The following MGAT4C variants were observed in gnomAD, a reference collection of about 807,000 sequenced individuals.
MGAT4C encodes the protein alpha-1,3-mannosyl-glycoprotein 4-beta-N-acetylglucosaminyltransferase C.
In MGAT4C, 19 loss-of-function variants were observed where a neutral mutation model predicts 40.1. The ratio of observed to expected loss-of-function variants is 0.47; its 90% CI spans 0.33 to 0.70. MGAT4C has a LOEUF of 0.70. Ranked by LOEUF, MGAT4C falls within the 30% of genes least tolerant of loss-of-function variation. The pLI is 0.02. For missense variants in MGAT4C, 491 were observed against 563.2 expected, an observed-to-expected ratio of 0.87 and a Z score of 1.30; for synonymous variants, 181 against 187.1, an observed-to-expected ratio of 0.97 and a Z score of 0.27.
At chr12:86,757,812 G>A (rs1951332273) in intron 1 of MGAT4C, among the ~76,000 whole-genome samples, 2 of 152,100 alleles carry the variant, frequency 1.3e-5, no homozygotes, top group African/African-American at 4.8e-5. Flanking sequence ...TAACCATTTT[G>A]TCTAACAGTA....
chr12:86,532,430 T>A (rs1029036466), intron 2 of MGAT4C, among the ~76,000 whole-genome samples: 2 of 151,998 alleles, frequency 1.3e-5, no homozygotes, highest in Non-Finnish European at 2.9e-5. Context: ...TTTCTTAATA[T>A]AGAATAGAAA....
chr12:86,156,388 T>G (rs561184175), intron 1 of MGAT4C, among the ~76,000 whole-genome samples: 1 of 152,178 alleles, frequency 6.6e-6, no homozygotes, highest in Admixed American at 6.5e-5. Flanking sequence ...AATGACACAA[T>G]CTCGGCTCAC....
At chr12:86,132,282 G>A (rs1881297995) in intron 1 of MGAT4C, among the ~76,000 whole-genome samples, 1 of 152,062 alleles carries the variant, frequency 6.6e-6, no homozygotes, top group Non-Finnish European at 1.5e-5. Flanking sequence ...AATGGAATGA[G>A]CAGTTACATA....
rs573375866 is a variant in MGAT4C at position 86,612,219 on chromosome 12, ATTTT to A, written c.-229+114986_-229+114989del. ...ATTATGCTACTTGAGATTTGCATTT[ATTTT>A]ATTATAATATTTTCTATATGTGAAT... On this transcript the variant is annotated intron_variant, in intron 2 of 7. Transcript: ENST00000548651. Among the ~76,000 whole-genome samples, 79 of 152,130 alleles carry A rather than the reference ATTTT, an allele frequency of 5.2e-4. 1 individual carries two copies. Among genetic ancestry groups the A allele is most frequent in the African/African-American group, 1.8e-3 (76 of 41,452 alleles).
intron 1 of MGAT4C, among the ~76,000 whole-genome samples, chr12:86,054,504 T>C (rs1427081718): frequency 6.6e-6 from 1 of 152,014 alleles, no homozygotes; most frequent in African/African-American, 2.4e-5. Context: ...AAGAGATCTA[T>C]TGTACAACAG....
chr12:86,804,873 G>A (rs999072263), intron 1 of MGAT4C, among the ~76,000 whole-genome samples: 28 of 151,946 alleles, frequency 1.8e-4, no homozygotes, highest in African/African-American at 6.3e-4. Context: ...GACGAACTTT[G>A]GTAAGTAATG....
intron 2 of MGAT4C, among the ~76,000 whole-genome samples, chr12:86,648,062 A>G (rs1288198090): frequency 1.1e-4 from 17 of 151,956 alleles, no homozygotes. Context: ...TTCAATGAAT[A>G]AAGAGTAAAT....
At chr12:86,024,858 T>C (rs971001705) in intron 2 of MGAT4C, among the ~76,000 whole-genome samples, 2 of 151,744 alleles carry the variant, frequency 1.3e-5, no homozygotes, top group Non-Finnish European at 1.5e-5. Context: ...AAAGTGTCAA[T>C]TCCCTTTATT....
At chr12:86,069,192 A>G (rs936992947) in intron 1 of MGAT4C, among the ~76,000 whole-genome samples, 2 of 149,438 alleles carry the variant, frequency 1.3e-5, no homozygotes, top group African/African-American at 4.9e-5. Context: ...AAATAATATA[A>G]CATTATAGTG....
intron 2 of MGAT4C, among the ~76,000 whole-genome samples, chr12:86,495,055 C>T (rs889612271): frequency 2.0e-5 from 3 of 151,972 alleles, no homozygotes; most frequent in South Asian, 4.1e-4. Context: ...TCTAGCAATT[C>T]CACTTCTAAG....
At chr12:86,640,831 C>T (rs377443508) in intron 2 of MGAT4C, among the ~76,000 whole-genome samples, 6 of 151,616 alleles carry the variant, frequency 4.0e-5, no homozygotes, top group African/African-American at 1.5e-4. Context: ...TCAAAGAACA[C>T]CTTTATTTCT....
chr12:86,212,916 A>AC (rs1950537355), intron 1 of MGAT4C, among the ~76,000 whole-genome samples: 2 of 147,784 alleles, frequency 1.4e-5, no homozygotes, highest in Admixed American at 6.7e-5. Context: ...AAAAAAAAAA[A>AC]AAAAAGAACA....
chr12:86,595,518 G>A (rs1486451175), intron 2 of MGAT4C, among the ~76,000 whole-genome samples: 8 of 143,328 alleles, frequency 5.6e-5, no homozygotes, highest in African/African-American at 1.0e-4. Context: ...GTGACAGAGT[G>A]AAACTCTGTC....
chr12:86,184,123 G>C (rs890599346), intron 1 of MGAT4C, among the ~76,000 whole-genome samples: 4 of 152,002 alleles, frequency 2.6e-5, no homozygotes, highest in Non-Finnish European at 5.9e-5. Flanking sequence ...TTTTGTTGTA[G>C]CATTGATTTT....
intron 3 of MGAT4C, among the ~76,000 whole-genome samples, chr12:86,419,550 T>C (rs1047682921): frequency 6.6e-6 from 1 of 152,116 alleles, no homozygotes; most frequent in Non-Finnish European, 1.5e-5. Context: ...AGGCCTATTC[T>C]GAATTCTGAA....
rs542487874 is a variant in MGAT4C at position 86,137,858 on chromosome 12, C to T, written c.-56-88135G>A. Among the ~76,000 whole-genome samples the T allele has an allele frequency of 1.5e-3, 228 of 152,306 alleles. No homozygotes were observed. The South Asian group carries it at 0.017, about 12-fold the overall frequency. On this transcript the variant is annotated intron_variant, in intron 1 of 4. Transcript: ENST00000611864. The stretch of plus-strand genomic sequence containing the variant: ...CGTGGGAGCCAATAACCACATGGAG[C>T]TGACTTCGGCAAATACCCTATGAGA...
At chr12:86,402,578 T>C (rs1358028540) in intron 3 of MGAT4C, among the ~76,000 whole-genome samples, 1 of 152,194 alleles carries the variant, frequency 6.6e-6, no homozygotes, top group Non-Finnish European at 1.5e-5. Context: ...AGGTAGATAA[T>C]AGATAAATAG....
chr12:86,518,683 C>A (rs1309644196), intron 2 of MGAT4C, among the ~76,000 whole-genome samples: 1 of 152,090 alleles, frequency 6.6e-6, no homozygotes, highest in Non-Finnish European at 1.5e-5. Context: ...CATTCCTAGG[C>A]CTTTCCATAT....
chr12:86,597,351 C>T (rs1475446307), intron 2 of MGAT4C, among the ~76,000 whole-genome samples: 2 of 152,162 alleles, frequency 1.3e-5, no homozygotes, highest in South Asian at 4.1e-4. Context: ...CAGGGGGAAC[C>T]GAAACCATCC....
Sources: gnomAD v4.1 joint callset for allele counts (sites outside exome capture counted in the v4.1 genomes callset) on GRCh38, gnomAD v4.1.1 for gene constraint, MANE v1.5 for transcripts, NCBI Gene and HGNC (gene_info 2026-07-23, HGNC 2026-07-21) for gene names.